CTTNBP2: variants seen among roughly 807,000 people sequenced by gnomAD.
The protein encoded by CTTNBP2 is cortactin binding protein 2.
In CTTNBP2, 108 loss-of-function variants were observed where a neutral mutation model predicts 156.9. The observed-to-expected ratio is 0.69, with a 90% CI of 0.59 to 0.81. CTTNBP2 has a LOEUF of 0.81. Ranked by LOEUF, CTTNBP2 falls within the 30% of genes least tolerant of loss-of-function variation. CTTNBP2 has a pLI of 0.00. For synonymous variants in CTTNBP2, 767 were observed against 751.8 expected (o/e 1.02, Z -0.33); for missense variants, 1,924 against 2,035.4 (o/e 0.95, Z 1.05).
intron 2 of CTTNBP2, among the ~76,000 whole-genome samples, chr7:117,817,338 A>AT (rs1193912255): frequency 2.7e-4 from 14 of 51,912 alleles, no homozygotes; most frequent in East Asian, 5.2e-4. Context: ...CATCTCAAAA[A>AT]AAAAAAAAAA....
chr7:117,736,428 A>G (rs996527407), intron 14 of CTTNBP2, among the ~76,000 whole-genome samples: 1 of 151,650 alleles, frequency 6.6e-6, no homozygotes, highest in African/African-American at 2.4e-5. Context: ...CAACAGAGCA[A>G]GACTGTGTCT....
At chr7:117,864,485 C>A (rs556627446) in intron 1 of CTTNBP2, among the ~76,000 whole-genome samples, 48 of 151,406 alleles carry the variant, frequency 3.2e-4, no homozygotes, top group African/African-American at 1.1e-3. Context: ...TCTATTCTGG[C>A]AAAACAGGGT....
chr7:117,769,489 T>G (rs1009900254), intron 8 of CTTNBP2, among the ~76,000 whole-genome samples: 3 of 152,226 alleles, frequency 2.0e-5, no homozygotes, highest in Admixed American at 6.5e-5. Context: ...CTCTAAAGCT[T>G]GCCATTTAAG....
At chr7:117,866,506 C>T (rs1584586962) in intron 1 of CTTNBP2, among the ~76,000 whole-genome samples, 1 of 152,282 alleles carries the variant, frequency 6.6e-6, no homozygotes, top group South Asian at 2.1e-4. Context: ...AGCCTCTCTT[C>T]CAATTTAAAA....
intron 2 of CTTNBP2, among the ~76,000 whole-genome samples, chr7:117,830,725 C>T (rs1801551457): frequency 6.6e-6 from 1 of 152,196 alleles, no homozygotes; most frequent in Non-Finnish European, 1.5e-5. Context: ...GAACGCCTCC[C>T]TCTCTAGAAT....
At chr7:117,717,343 A>G (rs1794466545) in intron 22 of CTTNBP2, among the ~76,000 whole-genome samples, 2 of 151,740 alleles carry the variant, frequency 1.3e-5, no homozygotes, top group South Asian at 4.2e-4. Context: ...TGCAATGTAT[A>G]AGACCTTTAT....
chr7:117,738,048 T>C (rs773121353), intron 14 of CTTNBP2, among the ~76,000 whole-genome samples: 16 of 152,116 alleles, frequency 1.1e-4, no homozygotes, highest in South Asian at 6.2e-4. Context: ...GCTGGGAACT[T>C]GGGGTGGTGC....
At chr7:117,839,695 C>T (rs190573149) in intron 2 of CTTNBP2, among the ~76,000 whole-genome samples, 1 of 152,268 alleles carries the variant, frequency 6.6e-6, no homozygotes, top group Admixed American at 6.5e-5. Context: ...AACCAGAGCC[C>T]AGTTTTAGTT....
intron 4 of CTTNBP2, 85 bp downstream of exon 4, chr7:117,791,043 T>G: frequency 8.7e-7 from 1 of 1,145,508 alleles, no homozygotes; most frequent in Non-Finnish European, 1.2e-6. Context: ...AAAAAAAAAG[T>G]TTCAAGGCAA....
intron 3 of CTTNBP2, among the ~76,000 whole-genome samples, chr7:117,795,997 C>A (rs1799293675): frequency 1.3e-5 from 2 of 152,328 alleles, no homozygotes; most frequent in African/African-American, 4.8e-5. Context: ...CCCAAATCTT[C>A]ACCCAGTGAC....
rs191359276 is a variant in CTTNBP2, at chr7:117,862,898, T to C, written c.82-1582A>G. Among the ~76,000 whole-genome samples, 62 of 152,326 alleles carry C rather than the reference T, an allele frequency of 4.1e-4. 1 individual carries two copies. The highest frequency in any genetic ancestry group is 5.6e-4 in the Non-Finnish European group (38 of 68,032). On this transcript the variant is annotated intron_variant, in intron 1 of 22. Coordinates refer to ENST00000160373, the MANE Select transcript of CTTNBP2 (RefSeq NM_033427.3). ...ACCAGTAAATGGTAAAATCAGGATA[T>C]ATGATCAAATGCCATGATTTATCTT...
At chr7:117,717,309 A>C (rs933945394) in intron 22 of CTTNBP2, among the ~76,000 whole-genome samples, 2 of 151,450 alleles carry the variant, frequency 1.3e-5, no homozygotes, top group Non-Finnish European at 2.9e-5. Context: ...GTCAGGATGA[A>C]ATAAAATTGA....
At chr7:117,711,915 A>AGCAGCAGCAGCAGT in intron 22 of CTTNBP2, 133 bp from the exon 23 acceptor site, 1 of 829,406 alleles carries the variant, frequency 1.2e-6, no homozygotes. Flanking sequence ...AATCAAAAGA[A>AGCAGCAGCAGCAGT]AATGGAGAGG....
At position 117,760,449 on chromosome 7, in the gene CTTNBP2, C is replaced by CGTAT. The variant is rs750708891; in HGVS notation, c.3154_3157dup (p.Arg1053HisfsTer29). 1 of 1,613,904 alleles carries CGTAT rather than the reference C, an allele frequency of 6.2e-7. No individual in the cohort carries two copies. Among genetic ancestry groups the CGTAT allele is most frequent in the Non-Finnish European group, 8.5e-7 (1 of 1,179,860 alleles). On this transcript the variant is annotated frameshift_variant, in exon 10 of 23. Transcript: ENST00000160373. LOFTEE classifies it high-confidence loss of function. ...ACTGCTGATACCTAGCGTGATGGATCGTATGCTTCTTGCACTGAGGCCGAT... is the reference window on the plus strand; with the variant it reads ...ACTGCTGATACCTAGCGTGATGGATCGTATGTATGCTTCTTGCACTGAGGCCGAT...
rs1440915302 is a variant in CTTNBP2 at position 117,784,279 on chromosome 7, C to G, written c.2244G>C (p.Leu748Phe). The G allele has an allele frequency of 6.2e-7, 1 of 1,612,618 alleles. No homozygotes were observed. The highest frequency in any genetic ancestry group is 8.5e-7 in the Non-Finnish European group (1 of 1,179,514). ...NYSCEDGHSA[L>F]YSAAKNGHTD... ...TATGTCCATTCTTAGCAGCAGAATA[C>G]AAGGCAGAATGGCCATCTTCACAGG... The change falls in exon 5 of 23, where the codon TTG becomes TTC. Residue 748 changes from leucine to phenylalanine, a missense_variant. Coordinates refer to ENST00000160373, the MANE Select transcript of CTTNBP2 (RefSeq NM_033427.3).
chr7:117,815,017 C>A (rs901321804), intron 2 of CTTNBP2, among the ~76,000 whole-genome samples: 2 of 152,166 alleles, frequency 1.3e-5, no homozygotes, highest in Admixed American at 1.3e-4. Flanking sequence ...TCAAAGACCA[C>A]GTGTTCTTCA....
At chr7:117,855,512 G>A (rs1306635727) in intron 2 of CTTNBP2, among the ~76,000 whole-genome samples, 1 of 152,184 alleles carries the variant, frequency 6.6e-6, no homozygotes, top group East Asian at 1.9e-4. Context: ...CCCCCATGGA[G>A]AGACCTTCTT....
intron 8 of CTTNBP2, among the ~76,000 whole-genome samples, chr7:117,776,657 T>C (rs1419158291): frequency 2.6e-5 from 4 of 152,202 alleles, no homozygotes; most frequent in South Asian, 4.1e-4. Context: ...TTCCACCTCC[T>C]CCAGAATGGG....
At chr7:117,805,597 G>A (rs908716099) in intron 3 of CTTNBP2, among the ~76,000 whole-genome samples, 27 of 152,086 alleles carry the variant, frequency 1.8e-4, no homozygotes, top group Admixed American at 6.5e-4. Context: ...TTACATCTCC[G>A]GGGAATCCCT....
Sources: gnomAD v4.1 joint callset for allele counts (sites outside exome capture counted in the v4.1 genomes callset) on GRCh38, gnomAD v4.1.1 for gene constraint, MANE v1.5 for transcripts, NCBI Gene and HGNC (gene_info 2026-07-23, HGNC 2026-07-21) for gene names.